PDE10A: variants seen among roughly 807,000 people sequenced by gnomAD.
PDE10A encodes cAMP and cAMP-inhibited cGMP 3',5'-cyclic phosphodiesterase 10A.
In PDE10A, 39 loss-of-function variants were observed where a neutral mutation model predicts 97.7. The observed-to-expected ratio is 0.40, with a 90% CI of 0.31 to 0.52. PDE10A has a LOEUF of 0.52. PDE10A is among the 20% of genes least tolerant of loss of function. The pLI, the probability that PDE10A is intolerant of heterozygous loss-of-function variation, is 0.56. For missense variants in PDE10A, 731 were observed against 1,047.8 expected (o/e 0.70, Z 4.17); for synonymous variants, 371 against 376.8 (o/e 0.98, Z 0.18).
At position 165,662,161 on chromosome 6, in the gene PDE10A, G is replaced by A. The variant is rs999409989; in HGVS notation, c.651C>T (p.Pro217=). The change falls in exon 1 of 22, where the codon CCC becomes CCT. Residue 217 remains proline (P), a synonymous_variant. Transcript: ENST00000539869. ...ARAGPRPPPP[P]RLPLGQAARR... is the part of the protein sequence containing the mutation. ...GGGCGGCCTGGCCAAGGGGGAGCCGGGGCGGCGGCGGCGGCCGGGGACCGG... is the reference window on the plus strand; with the variant it reads ...GGGCGGCCTGGCCAAGGGGGAGCCGAGGCGGCGGCGGCGGCCGGGGACCGG... 1 of 376,374 alleles carries A rather than the reference G, an allele frequency of 2.7e-6. No homozygotes were observed. The highest frequency in any genetic ancestry group is 3.6e-6 in the Non-Finnish European group (1 of 274,292). The allele number at this position is 376,374 out of a possible 1,614,324, so 23.3% of individuals were successfully genotyped here.
intron 1 of PDE10A, among the ~76,000 whole-genome samples, chr6:165,789,141 T>C (rs756952705): frequency 1.3e-5 from 2 of 152,200 alleles, no homozygotes; most frequent in Admixed American, 6.5e-5. Context: ...GAGTTCAGGG[T>C]TGAGGCAGTG....
At chr6:165,845,762 A>C (rs555760707) in intron 1 of PDE10A, among the ~76,000 whole-genome samples, 67 of 152,364 alleles carry the variant, frequency 4.4e-4, no homozygotes, top group African/African-American at 1.5e-3. Flanking sequence ...TTTGACATAC[A>C]GCTTCCTTTG....
intron 5 of PDE10A, 121 bp downstream of exon 5, chr6:165,448,807 A>G (rs2274577): frequency 0.25 from 157,801 of 635,938 alleles, 21,153 homozygotes; most frequent in Admixed American, 0.3. Flanking sequence ...ATAGAAACAA[A>G]ACACAAAATG....
At chr6:165,382,879 G>A (rs746932434) in intron 17 of PDE10A, among the ~76,000 whole-genome samples, 1 of 152,142 alleles carries the variant, frequency 6.6e-6, no homozygotes, top group Non-Finnish European at 1.5e-5. Context: ...GAACACAGCT[G>A]TAGAAAAGGA....
intron 1 of PDE10A, among the ~76,000 whole-genome samples, chr6:165,823,500 A>AAACCT (rs1779633975): frequency 2.7e-5 from 2 of 74,868 alleles, no homozygotes; most frequent in Non-Finnish European, 6.7e-5. Flanking sequence ...ATATATATAT[A>AAACCT]TATATATATA....
intron 3 of PDE10A, among the ~76,000 whole-genome samples, chr6:165,475,337 T>A (rs539886871): frequency 6.6e-6 from 1 of 152,096 alleles, no homozygotes; most frequent in South Asian, 2.1e-4. Flanking sequence ...AAGAAAACAC[T>A]GGCTACACCA....
intron 1 of PDE10A, among the ~76,000 whole-genome samples, chr6:165,921,113 C>A (rs572800988): frequency 6.6e-6 from 1 of 152,306 alleles, no homozygotes; most frequent in African/African-American, 2.4e-5. Flanking sequence ...GATCTATGTA[C>A]CAAAGCAGCG....
intron 1 of PDE10A, among the ~76,000 whole-genome samples, chr6:165,637,925 TGAGAA>T (rs1318804182): frequency 6.6e-6 from 1 of 152,200 alleles, no homozygotes; most frequent in African/African-American, 2.4e-5. Context: ...TCTCTTGAAA[TGAGAA>T]AACGCTTTGT....
chr6:165,429,057 C>T (rs867839709), intron 9 of PDE10A, among the ~76,000 whole-genome samples: 3 of 152,124 alleles, frequency 2.0e-5, no homozygotes, highest in Admixed American at 6.5e-5. Context: ...TCATTAATAA[C>T]TCTGATCTAA....
At chr6:165,680,448 C>T (rs1790944273) in intron 1 of PDE10A, among the ~76,000 whole-genome samples, 1 of 152,214 alleles carries the variant, frequency 6.6e-6, no homozygotes, top group Non-Finnish European at 1.5e-5. Flanking sequence ...GTAAGCACCT[C>T]TCCAGTGCAA....
At chr6:165,621,496 G>A (rs368776011) in intron 1 of PDE10A, among the ~76,000 whole-genome samples, 15 of 152,106 alleles carry the variant, frequency 9.9e-5, no homozygotes, top group South Asian at 6.2e-4. Flanking sequence ...AGTGGCTCAC[G>A]CCTGTAATCC....
chr6:165,513,749 G>C (rs557145588), intron 2 of PDE10A, among the ~76,000 whole-genome samples: 1 of 151,984 alleles, frequency 6.6e-6, no homozygotes, highest in African/African-American at 2.4e-5. Context: ...TCTGCTAAAT[G>C]TCTTAAGTAT....
At chr6:165,878,022 A>G (rs747175663) in intron 1 of PDE10A, among the ~76,000 whole-genome samples, 8 of 152,212 alleles carry the variant, frequency 5.3e-5, no homozygotes, top group Non-Finnish European at 8.8e-5. Flanking sequence ...CTGCACAGAG[A>G]TAAACAGATT....
intron 1 of PDE10A, among the ~76,000 whole-genome samples, chr6:165,601,874 C>A (rs7738278): frequency 0.35 from 53,071 of 151,966 alleles, 9,767 homozygotes; most frequent in Middle Eastern, 0.52. Flanking sequence ...TCATCTACCA[C>A]CGCAACATCT....
At chr6:165,371,977 C>T (rs981444713) in intron 18 of PDE10A, among the ~76,000 whole-genome samples, 2 of 150,626 alleles carry the variant, frequency 1.3e-5, no homozygotes, top group African/African-American at 2.5e-5. Flanking sequence ...AGACAAAAAC[C>T]ACATGATTAT....
At chr6:165,876,820 C>A (rs1781357162) in intron 1 of PDE10A, among the ~76,000 whole-genome samples, 1 of 152,164 alleles carries the variant, frequency 6.6e-6, no homozygotes, top group African/African-American at 2.4e-5. Context: ...GCTGGCCATT[C>A]AGAAATCACA....
chr6:165,851,505 A>C (rs1780572010), intron 1 of PDE10A, among the ~76,000 whole-genome samples: 2 of 152,236 alleles, frequency 1.3e-5, no homozygotes, highest in Admixed American at 6.5e-5. Context: ...CCAAAGGTTA[A>C]CAGGGTGTAT....
chr6:165,750,318 A>G (rs914762962), intron 1 of PDE10A, among the ~76,000 whole-genome samples: 1 of 152,228 alleles, frequency 6.6e-6, no homozygotes, highest in South Asian at 2.1e-4. Context: ...GACATTGACA[A>G]CTGAAACGTG....
intron 1 of PDE10A, among the ~76,000 whole-genome samples, chr6:165,581,249 T>C (rs938663603): frequency 6.6e-6 from 1 of 152,130 alleles, no homozygotes; most frequent in African/African-American, 2.4e-5. Flanking sequence ...AGAAGAACAG[T>C]GCTATGGACA....
Sources: allele counts gnomAD v4.1 joint callset (sites outside exome capture counted in the v4.1 genomes callset), GRCh38; gene constraint gnomAD v4.1.1; transcripts MANE v1.5; gene names NCBI Gene and HGNC (gene_info 2026-07-23, HGNC 2026-07-21).